The following CPEB3 variants were observed in gnomAD, a reference collection of about 807,000 sequenced individuals.
CPEB3 encodes the protein cytoplasmic polyadenylation element-binding protein 3.
CPEB3 carries 20 observed loss-of-function variants against 67.2 expected under a neutral mutation model. That is an observed-to-expected ratio of 0.30 (90% CI 0.21 to 0.43). The LOEUF is 0.43. Among genes scored for constraint, CPEB3 ranks in the 20% least tolerant of loss-of-function variants. The pLI, the probability that CPEB3 is intolerant of heterozygous loss-of-function variation, is 1.00. For missense variants in CPEB3, 746 were observed against 968.6 expected (o/e 0.77, Z 3.05); for synonymous variants, 376 against 393.1 (o/e 0.96, Z 0.51).
chr10:92,231,696 C>G (rs1851275063), intron 2 of CPEB3, among the ~76,000 whole-genome samples: 2 of 152,066 alleles, frequency 1.3e-5, no homozygotes, highest in Non-Finnish European at 2.9e-5. Context: ...CAGTAAAACC[C>G]ACACAGCTTA....
At chr10:92,214,038 A>T (rs1276974135) in intron 2 of CPEB3, among the ~76,000 whole-genome samples, 1 of 152,204 alleles carries the variant, frequency 6.6e-6, no homozygotes, top group Non-Finnish European at 1.5e-5. Flanking sequence ...ATCTCAAGTA[A>T]CACACAACCA....
In CPEB3 at chr10:92,216,579, G is replaced by T. The variant is rs966492402; in HGVS notation, c.1005+22767C>A. 5.0e-6 allele frequency: 8 copies of T among 1,611,278 alleles called. No homozygotes were observed. In the African/African-American group the frequency reaches 9.4e-5, roughly 19 times the overall value. Reference sequence around the variant, plus strand: ...GAAAAAGGGATCATGGTTTTGGCAGGAGACACACTGCCCATTGAGGTATAC... The same window carrying T: ...GAAAAAGGGATCATGGTTTTGGCAGTAGACACACTGCCCATTGAGGTATAC... On this transcript the variant is annotated intron_variant, in intron 2 of 9. Coordinates refer to ENST00000265997, the MANE Select transcript of CPEB3 (RefSeq NM_014912.5).
At chr10:92,231,367 G>A (rs1034610724) in intron 2 of CPEB3, among the ~76,000 whole-genome samples, 1 of 152,134 alleles carries the variant, frequency 6.6e-6, no homozygotes, top group Non-Finnish European at 1.5e-5. Context: ...AATTACAGAA[G>A]TTAGGCAAAC....
intron 9 of CPEB3, among the ~76,000 whole-genome samples, chr10:92,065,817 GGTGCA>G (rs1034777576): frequency 4.1e-4 from 62 of 152,136 alleles, no homozygotes; most frequent in African/African-American, 1.3e-3. Context: ...AGCTCGGCCA[GGTGCA>G]GTGGCTCACA....
chr10:92,201,911 G>A (rs1042218894), intron 2 of CPEB3, among the ~76,000 whole-genome samples: 1 of 152,108 alleles, frequency 6.6e-6, no homozygotes, highest in South Asian at 2.1e-4. Flanking sequence ...TAAGTCTCAT[G>A]GGAGCAGAAA....
intron 2 of CPEB3, among the ~76,000 whole-genome samples, chr10:92,217,747 C>A (rs1037777145): frequency 6.6e-6 from 1 of 151,854 alleles, no homozygotes; most frequent in Admixed American, 6.6e-5. Flanking sequence ...GGGCAACAAG[C>A]GCAAAACTGC....
chr10:92,201,751 A>G (rs1849536220), intron 2 of CPEB3, among the ~76,000 whole-genome samples: 1 of 152,198 alleles, frequency 6.6e-6, no homozygotes, highest in Admixed American at 6.5e-5. Context: ...AACCTATCTT[A>G]GAACTTTATG....
At chr10:92,127,941 T>C (rs527964883) in intron 6 of CPEB3, among the ~76,000 whole-genome samples, 7 of 148,576 alleles carry the variant, frequency 4.7e-5, no homozygotes, top group African/African-American at 1.6e-4. Flanking sequence ...GGGTGCACTA[T>C]ACACCAAACA....
At chr10:92,187,816 T>C (rs1469742585) in intron 3 of CPEB3, among the ~76,000 whole-genome samples, 1 of 152,166 alleles carries the variant, frequency 6.6e-6, no homozygotes, top group Non-Finnish European at 1.5e-5. Flanking sequence ...TGCATTTTCC[T>C]TCAATCCACT....
chr10:92,271,943 T>A (rs1853325294), intron 1 of CPEB3, among the ~76,000 whole-genome samples: 2 of 152,198 alleles, frequency 1.3e-5, no homozygotes, highest in South Asian at 4.1e-4. Context: ...AGGAAGGGTT[T>A]TTCCTCCTCC....
intron 1 of CPEB3, among the ~76,000 whole-genome samples, chr10:92,259,858 T>G (rs1204656805): frequency 2.2e-4 from 34 of 152,184 alleles, no homozygotes; most frequent in Admixed American, 2.2e-3. Context: ...CTTCCACACA[T>G]TAATTCATTT....
intron 6 of CPEB3, chr10:92,118,946 T>A: frequency 3.1e-6 from 4 of 1,306,198 alleles, no homozygotes; most frequent in Non-Finnish European, 4.4e-6. Flanking sequence ...GAACTTTGAG[T>A]CTTATTTGGA....
chr10:92,061,045 C>T (rs765884562), intron 9 of CPEB3, among the ~76,000 whole-genome samples: 2 of 152,124 alleles, frequency 1.3e-5, no homozygotes, highest in African/African-American at 2.4e-5. Flanking sequence ...ATCAGTCTAT[C>T]GAAGAGATAT....
intron 1 of CPEB3, among the ~76,000 whole-genome samples, chr10:92,265,106 G>A (rs1852992870): frequency 1.3e-5 from 2 of 151,098 alleles, no homozygotes. Context: ...AGGTTGCAGT[G>A]AGCCGATCCT....
chr10:92,251,270 C>A (rs1466942572), intron 1 of CPEB3, among the ~76,000 whole-genome samples: 1 of 151,994 alleles, frequency 6.6e-6, no homozygotes, highest in African/African-American at 2.4e-5. Flanking sequence ...AGAAAGTATC[C>A]CCTTTGTTGG....
chr10:92,265,611 CAGGCAT>C (rs1230501042), intron 1 of CPEB3, among the ~76,000 whole-genome samples: 6 of 151,642 alleles, frequency 4.0e-5, no homozygotes, highest in African/African-American at 7.2e-5. Context: ...CAAAATTAGC[CAGGCAT>C]AGTGACCTGT....
At chr10:92,268,800 T>C (rs1345387654) in intron 1 of CPEB3, among the ~76,000 whole-genome samples, 2 of 152,156 alleles carry the variant, frequency 1.3e-5, no homozygotes, top group Non-Finnish European at 2.9e-5. Flanking sequence ...AGAAAGAGGT[T>C]TCCATGATGG....
rs573717808 is a variant in CPEB3, at chr10:92,089,291, TC to T, written c.1687+2538del. Reference sequence around the variant, plus strand: ...ACTTTTTGTCTTGATAACATGGCCCTCTAAACTAGAAGTCTTGGGATGAATG... The same window carrying T: ...ACTTTTTGTCTTGATAACATGGCCCTTAAACTAGAAGTCTTGGGATGAATG... On this transcript the variant is annotated intron_variant, in intron 8 of 9. Transcript: ENST00000265997. 1.8e-3 allele frequency among the ~76,000 whole-genome samples: 277 copies of T among 152,282 alleles called. 1 individual carries two copies. Among genetic ancestry groups the T allele is most frequent in the African/African-American group, 6.5e-3 (269 of 41,550 alleles).
intron 4 of CPEB3, among the ~76,000 whole-genome samples, chr10:92,177,744 A>C (rs1235881387): frequency 6.6e-6 from 1 of 152,216 alleles, no homozygotes; most frequent in African/African-American, 2.4e-5. Context: ...ACACCAAAAA[A>C]TGGGAACTTG....
Sources: gnomAD v4.1 joint callset for allele counts (sites outside exome capture counted in the v4.1 genomes callset) on GRCh38, gnomAD v4.1.1 for gene constraint, MANE v1.5 for transcripts, NCBI Gene and HGNC (gene_info 2026-07-23, HGNC 2026-07-21) for gene names.